WFDC6: variants seen among roughly 807,000 people sequenced by gnomAD.
WFDC6 encodes WAP four-disulfide core domain 6.
Under a neutral mutation model 8.2 loss-of-function variants are expected in WFDC6, and 10 were observed. That is an observed-to-expected ratio of 1.22 (90% confidence interval 0.75 to 2.07). The LOEUF is 2.07. Among genes scored for constraint, WFDC6 ranks in the 30% most tolerant of loss-of-function variants. WFDC6 has a pLI of 0.00. For missense variants in WFDC6, 105 were observed against 104.9 expected (o/e 1.00, Z 0.00); for synonymous variants, 28 against 37.0 (o/e 0.76, Z 0.88).
intron 2 of WFDC6, 88 bp downstream of exon 2, chr20:45,537,876 C>T (rs1374103746): frequency 1.3e-6 from 2 of 1,591,470 alleles, no homozygotes. Flanking sequence ...AGAGACCAGC[C>T]ATCAGTGAAC....
chr20:45,537,374 C>A, intron 2 of WFDC6: 2 of 756,722 alleles, frequency 2.6e-6, no homozygotes, highest in Non-Finnish European at 2.2e-6. Flanking sequence ...CCACAATGAG[C>A]AAGTGGAACC....
intron 1 of WFDC6, 67 bp from the exon 2 acceptor site, chr20:45,538,161 A>G (rs1979443784): frequency 1.2e-6 from 2 of 1,608,990 alleles, no homozygotes; most frequent in African/African-American, 1.3e-5. Flanking sequence ...CCCCGAGACC[A>G]GGGCACCCCT....
chr20:45,537,389 A>G (rs1979404952), intron 2 of WFDC6: 1 of 869,174 alleles, frequency 1.2e-6, no homozygotes, highest in South Asian at 1.5e-5. Context: ...GGAACCCATC[A>G]TGGGTGTCAG....
At chr20:45,538,123 A>T (rs1741848442) in intron 1 of WFDC6, 29 bp from the exon 2 acceptor site, 1 of 1,613,326 alleles carries the variant, frequency 6.2e-7, no homozygotes, top group Admixed American at 1.7e-5. Flanking sequence ...TATTCCCTCA[A>T]GGCCTTAAAG....
At chr20:45,538,399 C>T (rs1222770698) in intron 1 of WFDC6, among the ~76,000 whole-genome samples, 2 of 152,194 alleles carry the variant, frequency 1.3e-5, no homozygotes, top group Non-Finnish European at 2.9e-5. Flanking sequence ...TGCTTGGTTG[C>T]TCCCCCAGGA....
Position 45,534,324 on chromosome 20 carries a change from G to C in WFDC6, c.*143C>G. 3 of 941,858 alleles carry C rather than the reference G, an allele frequency of 3.2e-6. No individual in the cohort carries two copies. In the East Asian group the frequency reaches 7.2e-5, roughly 23 times the overall value. The allele number at this position is 941,858 out of a possible 1,614,324, so 58.3% of individuals were successfully genotyped here. A position where few individuals can be genotyped will look rare whatever the true frequency, so the allele number is the denominator to read the frequency against. On this transcript the variant is annotated 3_prime_UTR_variant, in exon 3 of 3. Transcript: ENST00000372670. ...AGGGGAAGAGCATTGTGTTTGAAGA[G>C]ATGCTACGCTGGAAGAAAGTGTGTA...
intron 1 of WFDC6, 136 bp downstream of exon 1, chr20:45,539,181 T>G (rs2145545193): frequency 1.2e-6 from 1 of 815,238 alleles, no homozygotes; most frequent in East Asian, 2.7e-5. Flanking sequence ...AGACTTCAAA[T>G]AGCTCCCCTC....
At chr20:45,538,647 C>T (rs931238234) in intron 1 of WFDC6, among the ~76,000 whole-genome samples, 3 of 152,178 alleles carry the variant, frequency 2.0e-5, no homozygotes, top group African/African-American at 7.2e-5. Flanking sequence ...TGTGAGCTGC[C>T]TTTTCTCCTT....
At chr20:45,537,813 G>A in intron 2 of WFDC6, 151 bp downstream of exon 2, 1 of 1,438,994 alleles carries the variant, frequency 6.9e-7, no homozygotes, top group Non-Finnish European at 9.4e-7. Context: ...TGTCTCCCAA[G>A]TCCAGGACTG....
chr20:45,537,212 G>T, intron 2 of WFDC6: 1 of 363,240 alleles, frequency 2.8e-6, no homozygotes, highest in Non-Finnish European at 5.1e-6. Context: ...AGCCTTTCTA[G>T]ACCTGAACAT....
intron 1 of WFDC6, among the ~76,000 whole-genome samples, chr20:45,538,680 G>A (rs1394005165): frequency 6.6e-6 from 1 of 152,144 alleles, no homozygotes; most frequent in Non-Finnish European, 1.5e-5. Context: ...AAATCTATGG[G>A]TAAGTACTCT....
rs115258719 is a variant in WFDC6 at position 45,536,191 on chromosome 20, T to C, written c.223-1686A>G. On this transcript the variant is annotated intron_variant, in intron 2 of 2. Transcript: ENST00000372670. Reference sequence around the variant, plus strand: ...GAGGGGATTGCATCTTATGCCATCTTGATACAGCAGTTTCTAGCAGGTAAT... The same window carrying C: ...GAGGGGATTGCATCTTATGCCATCTCGATACAGCAGTTTCTAGCAGGTAAT... 6.1e-3 allele frequency among the ~76,000 whole-genome samples: 923 copies of C among 152,076 alleles called. 7 individuals carry two copies. Among genetic ancestry groups the C allele is most frequent in the African/African-American group, 0.019 (775 of 41,474 alleles).
rs116663808 is a variant in WFDC6 at position 45,537,265 on chromosome 20, C to T, written c.222+699G>A. The stretch of plus-strand genomic sequence containing the variant: ...AGCCTTTGCACATCCTATTATCTGG[C>T]CTGAAAGGCTATTTCTTCCCATTTT... On this transcript the variant is annotated intron_variant, in intron 2 of 2. Coordinates refer to ENST00000372670, the MANE Select transcript of WFDC6 (RefSeq NM_080827.2). 1.7e-3 allele frequency: 874 copies of T among 509,224 alleles called. 11 individuals are homozygous for T. The highest frequency in any genetic ancestry group is 0.015 in the African/African-American group (793 of 52,170). The allele number at this position is 509,224 out of a possible 1,614,324, so 31.5% of individuals were successfully genotyped here.
chr20:45,535,448 G>T, intron 2 of WFDC6: 1 of 1,142,176 alleles, frequency 8.8e-7, no homozygotes, highest in Non-Finnish European at 1.1e-6. Context: ...TTTGCCTCAG[G>T]GCTCTGTTCC....
Position 45,539,471 on chromosome 20 carries a change from A to C in WFDC6, c.-64T>G. The C allele has an allele frequency of 4.7e-6, 7 of 1,489,178 alleles. No homozygotes were observed. The highest frequency in any genetic ancestry group is 6.6e-6 in the Non-Finnish European group (7 of 1,068,012). The allele number at this position is 1,489,178 out of a possible 1,614,324, so 92.2% of individuals were successfully genotyped here. ...AGAACTGCTCCTCAGCAGCTCCTAC[A>C]TCTGCACTTTGCCTGCCCCGGTGTG... On this transcript the variant is annotated 5_prime_UTR_variant, in exon 1 of 3. It removes an upstream start codon present in the reference 5' UTR. Coordinates refer to ENST00000372670, the MANE Select transcript of WFDC6 (RefSeq NM_080827.2).
rs573559301 is a variant in WFDC6, at chr20:45,538,987, G to A, written c.91+330C>T. On this transcript the variant is annotated intron_variant, in intron 1 of 2. Coordinates refer to ENST00000372670, the MANE Select transcript of WFDC6 (RefSeq NM_080827.2). ...TGAGAACATTTGGAAGTTGACACAG[G>A]TGGTGTTGTGGGGAGCAGCCTGTTT... Among the ~76,000 whole-genome samples the A allele has an allele frequency of 8.5e-4, 130 of 152,318 alleles. 2 individuals are homozygous for A. Among genetic ancestry groups the A allele is most frequent in the African/African-American group, 3.1e-3 (128 of 41,568 alleles).
At chr20:45,536,865 C>T (rs1979383789) in intron 2 of WFDC6, 1 of 152,662 alleles carries the variant, frequency 6.6e-6, no homozygotes, top group African/African-American at 2.4e-5. Context: ...TACAATTTCT[C>T]TAGAAATCTG....
intron 2 of WFDC6, chr20:45,535,071 G>A (rs190816788): frequency 2.9e-5 from 35 of 1,207,302 alleles, no homozygotes; most frequent in East Asian, 2.4e-4. Context: ...CATCCCCAGC[G>A]CCACCCAGGT....
chr20:45,537,652 T>C lies in WFDC6; in HGVS notation c.222+312A>G, dbSNP rs1979418378. On this transcript the variant is annotated intron_variant, in intron 2 of 2. Coordinates refer to ENST00000372670, the MANE Select transcript of WFDC6 (RefSeq NM_080827.2). ...ATTTGATGAGACTTTGGTGACTACT[T>C]GGCATCTCGAGAATCACTGAAGAGT... The C allele has an allele frequency of 2.3e-6, 3 of 1,293,964 alleles. No individual in the cohort carries two copies. The African/African-American group carries it at 4.4e-5, about 19-fold the overall frequency. The allele number at this position is 1,293,964 out of a possible 1,614,324, so 80.2% of individuals were successfully genotyped here.
Sources: gnomAD v4.1 joint callset for allele counts (sites outside exome capture counted in the v4.1 genomes callset) on GRCh38, gnomAD v4.1.1 for gene constraint, MANE v1.5 for transcripts, NCBI Gene and HGNC (gene_info 2026-07-23, HGNC 2026-07-21) for gene names.